The following HAPLN2 variants were observed in gnomAD, a reference collection of about 807,000 sequenced individuals.
HAPLN2 encodes the protein hyaluronan and proteoglycan link protein 2, also known as brain link protein-1.
A neutral mutation model predicts 29.3 loss-of-function variants in HAPLN2; 27 were observed. The observed-to-expected ratio is 0.92, with a 90% CI of 0.68 to 1.27. The LOEUF is 1.27. HAPLN2 is among the 50% of genes most tolerant of loss of function. HAPLN2 has a pLI of 0.00. For missense variants in HAPLN2, 454 were observed against 484.3 expected (o/e 0.94, Z 0.59); for synonymous variants, 208 against 211.7 (o/e 0.98, Z 0.15).
chr1:156,613,916 C>CAAAAAAAAA, the HAPLN2 span, among the ~76,000 whole-genome samples: 2 of 115,762 alleles, frequency 1.7e-5, no homozygotes, highest in Non-Finnish European at 3.3e-5. Context: ...GATTCCTTCT[C>CAAAAAAAAA]AAAAAAAAAA....
chr1:156,604,293 C>T, the HAPLN2 span, among the ~76,000 whole-genome samples: 97 of 147,076 alleles, frequency 6.6e-4, 1 homozygote, highest in South Asian at 1.3e-3. Flanking sequence ...TTGAAGAATT[C>T]TTTTTTTTTT....
chr1:156,606,347 G>A, the HAPLN2 span, among the ~76,000 whole-genome samples: 1 of 150,834 alleles, frequency 6.6e-6, no homozygotes, highest in African/African-American at 2.4e-5. Flanking sequence ...GGAGGCTGAG[G>A]TGGGAGAATT....
At chr1:156,606,388 G>A in the HAPLN2 span, among the ~76,000 whole-genome samples, 3 of 137,288 alleles carry the variant, frequency 2.2e-5, no homozygotes, top group Middle Eastern at 4.2e-3. Context: ...TTGTGCCACT[G>A]TGCTTCAGCT....
chr1:156,604,293 C>CTTTTTTTTTTTCT, the HAPLN2 span, among the ~76,000 whole-genome samples: 1,064 of 147,042 alleles, frequency 7.2e-3, 6 homozygotes, highest in South Asian at 0.019. Flanking sequence ...TTGAAGAATT[C>CTTTTTTTTTTTCT]TTTTTTTTTT....
At chr1:156,623,631 G>A in intron 3 of HAPLN2, 56 bp downstream of exon 3, 1 of 1,600,070 alleles carries the variant, frequency 6.2e-7, no homozygotes, top group Non-Finnish European at 8.5e-7. Flanking sequence ...CTGCAAGGGT[G>A]GGGAAAGGGG....
At chr1:156,615,619 G>A (rs905293166), upstream of HAPLN2, among the ~76,000 whole-genome samples, 2 of 148,786 alleles carry the variant, frequency 1.3e-5, no homozygotes, top group Non-Finnish European at 1.5e-5. Flanking sequence ...CGCCCAGGCT[G>A]GAGTGCAGTG....
At chr1:156,621,102 A>AT (rs10653107) in intron 2 of HAPLN2, among the ~76,000 whole-genome samples, 40,944 of 126,020 alleles carry the variant, frequency 0.32, 8,012 homozygotes, top group African/African-American at 0.5. Context: ...AGAAGTCTTC[A>AT]TTTTTTTTTT....
chr1:156,623,139 G>C (rs1182603206), intron 2 of HAPLN2, among the ~76,000 whole-genome samples: 1 of 152,048 alleles, frequency 6.6e-6, no homozygotes, highest in Non-Finnish European at 1.5e-5. Flanking sequence ...TGGAGAATGG[G>C]TGTTGGGAGA....
the HAPLN2 span, among the ~76,000 whole-genome samples, chr1:156,605,536 T>C: frequency 1.3e-5 from 2 of 149,030 alleles, no homozygotes; most frequent in Non-Finnish European, 3.0e-5. Context: ...GAGGCAGAGT[T>C]TTTGGTGAGC....
the HAPLN2 span, among the ~76,000 whole-genome samples, chr1:156,611,913 G>A: frequency 1.2e-4 from 18 of 152,200 alleles, no homozygotes; most frequent in African/African-American, 4.1e-4. Context: ...AACAGAGCCT[G>A]TGGAACTTAA....
chr1:156,613,948 G>GA, the HAPLN2 span, among the ~76,000 whole-genome samples: 5 of 143,964 alleles, frequency 3.5e-5, no homozygotes, highest in East Asian at 2.0e-4. Context: ...AAAGAAAAAA[G>GA]AAAAAAAAGA....
the HAPLN2 span, among the ~76,000 whole-genome samples, chr1:156,608,595 T>C: frequency 6.6e-6 from 1 of 151,842 alleles, no homozygotes; most frequent in South Asian, 2.1e-4. Flanking sequence ...CAGGCTGGAG[T>C]GCAGTGACAT....
the HAPLN2 span, among the ~76,000 whole-genome samples, chr1:156,611,342 A>G: frequency 0.012 from 1,795 of 151,858 alleles, 40 homozygotes; most frequent in African/African-American, 0.041. Flanking sequence ...AGGCAGGCAG[A>G]TCCCTTGAGG....
intron 6 of HAPLN2, 133 bp downstream of exon 6, chr1:156,624,916 C>CCCCCCCCCCCG: frequency 2.0e-6 from 2 of 1,020,936 alleles, no homozygotes; most frequent in South Asian, 1.7e-5. Context: ...TCAGCCCGCC[C>CCCCCCCCCCCG]GCCCGCCCAG....
At chr1:156,623,761 G>A in intron 3 of HAPLN2, 46 bp from the exon 4 acceptor site, 2 of 1,470,820 alleles carry the variant, frequency 1.4e-6, no homozygotes, top group Non-Finnish European at 1.8e-6. Flanking sequence ...GGCACTTGGG[G>A]CAGTGAGGAT....
At chr1:156,617,650 C>T (rs1430518654), upstream of HAPLN2, among the ~76,000 whole-genome samples, 4 of 137,364 alleles carry the variant, frequency 2.9e-5, no homozygotes, top group Non-Finnish European at 3.1e-5. Flanking sequence ...TGCCCAGCCT[C>T]TTTTTTTTTT....
At chr1:156,619,106 C>T (rs1273659631), upstream of HAPLN2, among the ~76,000 whole-genome samples, 1 of 152,078 alleles carries the variant, frequency 6.6e-6, no homozygotes, top group Admixed American at 6.6e-5. Context: ...TCTTTAGAGC[C>T]CTGTAATTTG....
chr1:156,624,157 G>T lies in HAPLN2; in HGVS notation c.436G>T (p.Glu146Ter). The change falls in exon 4 of 7, where the codon GAG (glutamate) becomes TAG (stop). Residue 146 changes from glutamate to a stop codon, truncating the protein, a stop_gained. Transcript: ENST00000255039. LOFTEE classifies it high-confidence loss of function. ...GAGCGTGGCGCTGACCTTGAGCTTGGAGGGTGAGGCCCTTCCGCTCCCGCC... is the reference window on the plus strand; with the variant it reads ...GAGCGTGGCGCTGACCTTGAGCTTGTAGGGTGAGGCCCTTCCGCTCCCGCC... ...DESVALTLSL[E>*]GVVFPYQPSR... 6.2e-7 allele frequency: 1 copy of T among 1,612,666 alleles called. No homozygotes were observed. Among genetic ancestry groups the T allele is most frequent in the Non-Finnish European group, 8.5e-7 (1 of 1,179,534 alleles).
Position 156,624,418 on chromosome 1 carries a change from G to A in HAPLN2, c.507G>A (p.Ala169=), listed in dbSNP as rs1360771771. 6.8e-6 allele frequency: 11 copies of A among 1,611,648 alleles called. No individual in the cohort carries two copies. Among genetic ancestry groups the A allele is most frequent in the African/African-American group, 1.3e-5 (1 of 74,860 alleles). The change falls in exon 5 of 7, where the codon GCG becomes GCA. Residue 169 remains alanine, a synonymous_variant. Transcript: ENST00000255039. ...TCAATTACTACGAGGCGAAGCAGGC[G>A]TGCGAGGAGCAGGACGGACGCCTGG... ...YQFNYYEAKQ[A]CEEQDGRLAT... is the part of the protein sequence containing the mutation.
Sources: allele counts gnomAD v4.1 joint callset (sites outside exome capture counted in the v4.1 genomes callset), GRCh38; gene constraint gnomAD v4.1.1; transcripts MANE v1.5; gene names NCBI Gene and HGNC (gene_info 2026-07-23, HGNC 2026-07-21).